The following PRKCE variants were observed in gnomAD, a reference collection of about 807,000 sequenced individuals.
PRKCE encodes the protein protein kinase C epsilon.
Under a neutral mutation model 85.4 loss-of-function variants are expected in PRKCE, and 16 were observed. That is an observed-to-expected ratio of 0.19 (90% CI 0.13 to 0.28). PRKCE has a LOEUF of 0.28. Ranked by LOEUF, PRKCE falls within the 10% of genes least tolerant of loss-of-function variation. PRKCE has a pLI of 1.00. For synonymous variants in PRKCE, 388 were observed against 371.5 expected (o/e 1.04, Z -0.51); for missense variants, 573 against 975.2 (o/e 0.59, Z 5.49).
At chr2:45,673,044 C>A (rs1676252887) in intron 1 of PRKCE, among the ~76,000 whole-genome samples, 1 of 152,070 alleles carries the variant, frequency 6.6e-6, no homozygotes, top group South Asian at 2.1e-4. Context: ...CTAATAAAAA[C>A]AAACAAACAA....
chr2:45,938,983 G>A (rs1173478619), intron 2 of PRKCE, among the ~76,000 whole-genome samples: 3 of 152,116 alleles, frequency 2.0e-5, no homozygotes, highest in Admixed American at 6.5e-5. Context: ...GGAATCCAGC[G>A]CAGTAGGCTA....
At chr2:45,721,682 A>ACCTGGG (rs887813673) in intron 1 of PRKCE, among the ~76,000 whole-genome samples, 1 of 152,120 alleles carries the variant, frequency 6.6e-6, no homozygotes, top group Non-Finnish European at 1.5e-5. Flanking sequence ...GTTAGAGACC[A>ACCTGGG]CCTGGGCAAC....
At chr2:46,029,021 T>A (rs1271618371) in intron 10 of PRKCE, among the ~76,000 whole-genome samples, 1 of 152,262 alleles carries the variant, frequency 6.6e-6, no homozygotes, top group Non-Finnish European at 1.5e-5. Flanking sequence ...TATTATTCCA[T>A]GGTGTGTATA....
intron 1 of PRKCE, among the ~76,000 whole-genome samples, chr2:45,757,479 C>T (rs141722481): frequency 6.6e-6 from 1 of 152,010 alleles, no homozygotes; most frequent in African/African-American, 2.4e-5. Context: ...CCAGTCTGGG[C>T]AACATAGTGA....
At chr2:46,022,522 C>T (rs1188861962) in intron 10 of PRKCE, among the ~76,000 whole-genome samples, 3 of 152,208 alleles carry the variant, frequency 2.0e-5, no homozygotes, top group Non-Finnish European at 4.4e-5. Flanking sequence ...ATTGAGACAA[C>T]TCCATTGAAG....
chr2:45,899,571 C>T (rs912277896), intron 2 of PRKCE, among the ~76,000 whole-genome samples: 13 of 151,904 alleles, frequency 8.6e-5, no homozygotes, highest in Non-Finnish European at 1.5e-4. Context: ...TTTGTAGAGA[C>T]GGGGCTTTGC....
At chr2:45,680,770 A>G (rs1445141842) in intron 1 of PRKCE, among the ~76,000 whole-genome samples, 4 of 152,222 alleles carry the variant, frequency 2.6e-5, no homozygotes, top group Non-Finnish European at 5.9e-5. Flanking sequence ...ATAAATAAGA[A>G]CATATGGTTT....
intron 13 of PRKCE, among the ~76,000 whole-genome samples, chr2:46,154,290 C>CAA: frequency 6.6e-6 from 1 of 152,100 alleles, no homozygotes; most frequent in South Asian, 2.1e-4. Flanking sequence ...GAGGAGGCCT[C>CAA]GGGGGTACTA....
intron 10 of PRKCE, chr2:46,073,791 CTGGTAAA>C (rs1668280088): frequency 6.6e-6 from 1 of 152,108 alleles, no homozygotes; most frequent in African/African-American, 2.4e-5. Flanking sequence ...GAGTCACGTC[CTGGTAAA>C]TGAATACATC....
At chr2:46,128,295 G>A (rs1674071209) in intron 11 of PRKCE, among the ~76,000 whole-genome samples, 1 of 152,180 alleles carries the variant, frequency 6.6e-6, no homozygotes, top group African/African-American at 2.4e-5. Context: ...TGAGAAAGGG[G>A]TAATGAACTC....
chr2:46,023,789 C>T (rs1706879749), intron 10 of PRKCE, among the ~76,000 whole-genome samples: 1 of 152,100 alleles, frequency 6.6e-6, no homozygotes, highest in Non-Finnish European at 1.5e-5. Flanking sequence ...TCTTTGGAGG[C>T]TTCTGGTGTA....
At chr2:46,003,905 T>G (rs922457244) in intron 7 of PRKCE, 3 of 153,286 alleles carry the variant, frequency 2.0e-5, no homozygotes, top group Admixed American at 1.9e-4. Context: ...CTTTTTTTTT[T>G]ATTTTAGCAG....
intron 1 of PRKCE, among the ~76,000 whole-genome samples, chr2:45,775,414 C>T (rs539902117): frequency 2.0e-4 from 30 of 152,346 alleles, no homozygotes. Context: ...TCATGAAATT[C>T]TCCCACCAGC....
chr2:45,900,947 C>G (rs1299843003), intron 2 of PRKCE, among the ~76,000 whole-genome samples: 1 of 152,140 alleles, frequency 6.6e-6, no homozygotes, highest in African/African-American at 2.4e-5. Flanking sequence ...ATGAGTAAGG[C>G]AATACAGGTA....
At chr2:45,926,089 G>C (rs1425209335) in intron 2 of PRKCE, among the ~76,000 whole-genome samples, 1 of 152,196 alleles carries the variant, frequency 6.6e-6, no homozygotes, top group East Asian at 1.9e-4. Flanking sequence ...CCCAGGAAAT[G>C]GGGGACTTGC....
chr2:45,822,439 G>T (rs1307738803), intron 1 of PRKCE, among the ~76,000 whole-genome samples: 1 of 152,220 alleles, frequency 6.6e-6, no homozygotes, highest in African/African-American at 2.4e-5. Context: ...AAACCCTCTG[G>T]GGTGGCCCAG....
chr2:45,775,002 A>G (rs1293581703), intron 1 of PRKCE, among the ~76,000 whole-genome samples: 1 of 152,168 alleles, frequency 6.6e-6, no homozygotes, highest in Non-Finnish European at 1.5e-5. Flanking sequence ...GTTATTTACA[A>G]GTGGATTCCT....
intron 2 of PRKCE, among the ~76,000 whole-genome samples, chr2:45,912,008 T>C (rs1435152089): frequency 6.6e-6 from 1 of 152,030 alleles, no homozygotes; most frequent in Non-Finnish European, 1.5e-5. Flanking sequence ...GAAAAAAGTT[T>C]TCATTTTTTT....
rs1675200771 is a variant in PRKCE, at chr2:46,138,412, CT to C, written c.1593-6677del. Reference sequence around the variant, plus strand: ...AGCCATGTGACCTCAGACAAGTTACCTTTTCTGAGCCTCAGTTTCCTCATAC... The same window carrying C: ...AGCCATGTGACCTCAGACAAGTTACCTTTCTGAGCCTCAGTTTCCTCATAC... On this transcript the variant is annotated intron_variant, in intron 11 of 14. Transcript: ENST00000306156. This position sits in a 1 kb window ranked among gnomAD's most constrained non-coding sequence, Gnocchi z 4.2. Among the ~76,000 whole-genome samples, 1 of 152,216 alleles carries C rather than the reference CT, an allele frequency of 6.6e-6. No individual in the cohort carries two copies. Among genetic ancestry groups the C allele is most frequent in the Non-Finnish European group, 1.5e-5 (1 of 68,038 alleles).
Sources: allele counts gnomAD v4.1 joint callset (sites outside exome capture counted in the v4.1 genomes callset), GRCh38; gene constraint gnomAD v4.1.1; non-coding constraint Gnocchi (gnomAD v3.1); transcripts MANE v1.5; gene names NCBI Gene and HGNC (gene_info 2026-07-23, HGNC 2026-07-21).